The following FUT8 variants were observed in gnomAD, a reference collection of about 807,000 sequenced individuals.
FUT8 encodes alpha-(1,6)-fucosyltransferase.
In FUT8, 29 loss-of-function variants were observed where a neutral mutation model predicts 71.3. The observed-to-expected ratio is 0.41, with a 90% CI of 0.30 to 0.55. The LOEUF is 0.55. Ranked by LOEUF, FUT8 falls within the 20% of genes least tolerant of loss-of-function variation. FUT8 has a pLI of 0.34. For synonymous variants in FUT8, 254 were observed against 239.3 expected, an observed-to-expected ratio of 1.06 and a Z score of -0.57; for missense variants, 544 against 702.1, an observed-to-expected ratio of 0.77 and a Z score of 2.55.
chr14:65,694,696 T>C (rs1431107288), intron 7 of FUT8, among the ~76,000 whole-genome samples: 2 of 151,988 alleles, frequency 1.3e-5, no homozygotes, highest in Non-Finnish European at 2.9e-5. Flanking sequence ...ATATACACCA[T>C]GGAATACTAT....
Position 65,592,992 on chromosome 14 carries a change from T to C in FUT8, c.204-22986T>C, listed in dbSNP as rs550102807. ...GTTTTGGTAATCTGGTAATTTCTTT[T>C]GCATTTTCTTCACATCCTCTGAGAT... is the stretch of plus-strand genomic sequence containing the variant. On this transcript the variant is annotated intron_variant, in intron 3 of 10. Coordinates refer to ENST00000673929, the MANE Select transcript of FUT8 (RefSeq NM_001371533.1). Among the ~76,000 whole-genome samples the C allele has an allele frequency of 3.3e-5, 5 of 152,318 alleles. No homozygotes were observed. In the East Asian group the frequency reaches 7.7e-4, roughly 23 times the overall value.
chr14:65,410,639 T>G (rs2065112753), upstream of FUT8: 1 of 151,192 alleles, frequency 6.6e-6, no homozygotes, highest in Admixed American at 6.6e-5. Flanking sequence ...ATTCCTAGGA[T>G]TTTGGAAGTA....
chr14:65,658,675 C>G (rs1239391011), intron 6 of FUT8, among the ~76,000 whole-genome samples: 5 of 152,100 alleles, frequency 3.3e-5, no homozygotes, highest in African/African-American at 1.2e-4. Flanking sequence ...TAACTACTAT[C>G]TAATTCCATT....
chr14:65,707,089 A>G (rs1476204918), intron 7 of FUT8, among the ~76,000 whole-genome samples: 1 of 152,190 alleles, frequency 6.6e-6, no homozygotes, highest in Non-Finnish European at 1.5e-5. Context: ...TAAAAAATAT[A>G]GATTCCAAAA....
intron 2 of FUT8, among the ~76,000 whole-genome samples, chr14:65,495,370 C>T (rs2066543470): frequency 6.6e-6 from 1 of 152,124 alleles, no homozygotes; most frequent in South Asian, 2.1e-4. Flanking sequence ...CTGCTTCTTG[C>T]ACTGGGGTTC....
At chr14:65,687,093 C>T (rs142384039) in intron 7 of FUT8, among the ~76,000 whole-genome samples, 9,326 of 152,040 alleles carry the variant, frequency 0.061, 518 homozygotes, top group African/African-American at 0.14. Flanking sequence ...CCAGGACTAG[C>T]CCTCTCTTTA....
At chr14:65,617,253 TG>T (rs1207707156) in intron 5 of FUT8, 6 of 1,452,852 alleles carry the variant, frequency 4.1e-6, no homozygotes, top group Non-Finnish European at 5.4e-6. Context: ...AAAAATTGCT[TG>T]GTTGTTTTAG....
intron 7 of FUT8, among the ~76,000 whole-genome samples, chr14:65,694,246 G>A (rs1164483818): frequency 6.6e-6 from 1 of 152,092 alleles, no homozygotes; most frequent in Non-Finnish European, 1.5e-5. Flanking sequence ...TGCTAATATG[G>A]AAGCTTAGAT....
At chr14:65,560,914 G>A (rs989655721) in intron 2 of FUT8, among the ~76,000 whole-genome samples, 12 of 152,138 alleles carry the variant, frequency 7.9e-5, no homozygotes, top group African/African-American at 2.7e-4. Flanking sequence ...GTTGAGAACT[G>A]GTAGAAATGA....
chr14:65,625,458 A>G (rs1357006562), intron 5 of FUT8, among the ~76,000 whole-genome samples: 2 of 152,222 alleles, frequency 1.3e-5, no homozygotes, highest in South Asian at 4.1e-4. Context: ...TGCCTAGTCT[A>G]AAGACTTCAG....
rs1285123785 is a variant in FUT8 at position 65,652,091 on chromosome 14, GA to G, written c.598-17151del. Among the ~76,000 whole-genome samples, 1 of 152,182 alleles carries G rather than the reference GA, an allele frequency of 6.6e-6. No homozygotes were observed. Among genetic ancestry groups the G allele is most frequent in the Non-Finnish European group, 1.5e-5 (1 of 68,028 alleles). On this transcript the variant is annotated intron_variant, in intron 6 of 10. Coordinates refer to ENST00000673929, the MANE Select transcript of FUT8 (RefSeq NM_001371533.1). This position sits in a 1 kb window ranked among gnomAD's most constrained non-coding sequence, Gnocchi z 4.0. ...GGCTGGCAACCACCAGAAGCCGGGA[GA>G]GAGACATGGAACAACTTCTTCCTTA...
intron 1 of FUT8, among the ~76,000 whole-genome samples, chr14:65,441,363 A>G (rs977646966): frequency 6.6e-6 from 1 of 152,190 alleles, no homozygotes; most frequent in Non-Finnish European, 1.5e-5. Context: ...AAGTATACAT[A>G]TATGTTGATA....
chr14:65,376,486 C>G, the FUT8 span, among the ~76,000 whole-genome samples: 1 of 92,768 alleles, frequency 1.1e-5, no homozygotes, highest in South Asian at 3.7e-4. Flanking sequence ...CCTTGGTTCA[C>G]TGCAACCTCC....
rs77953240 is a variant in FUT8 at position 65,685,314 on chromosome 14, G to A, written c.835+15834G>A. ...AAGAATTTGCTTTCTCTCAGTGGCC[G>A]TATAAAACAGTGAGAATAATGCAGT... On this transcript the variant is annotated intron_variant, in intron 7 of 10. Transcript: ENST00000673929. Among the ~76,000 whole-genome samples the A allele has an allele frequency of 4.5e-3, 691 of 152,240 alleles. 6 individuals carry two copies. The highest frequency in any genetic ancestry group is 0.016 in the African/African-American group (656 of 41,542).
chr14:65,365,944 T>A, the FUT8 span, among the ~76,000 whole-genome samples: 2 of 152,036 alleles, frequency 1.3e-5, no homozygotes, highest in Non-Finnish European at 2.9e-5. Flanking sequence ...TTCAAGCAAT[T>A]CTCCTGCCTC....
At chr14:65,514,622 G>T (rs1390797599) in intron 2 of FUT8, among the ~76,000 whole-genome samples, 1 of 151,958 alleles carries the variant, frequency 6.6e-6, no homozygotes, top group Non-Finnish European at 1.5e-5. Flanking sequence ...ATGTATCAAT[G>T]TATCAATAGT....
At chr14:65,453,672 C>T (rs2065858684) in intron 1 of FUT8, among the ~76,000 whole-genome samples, 1 of 152,156 alleles carries the variant, frequency 6.6e-6, no homozygotes, top group Non-Finnish European at 1.5e-5. Flanking sequence ...CAGATGTCTC[C>T]AAGCTCAGTG....
At chr14:65,721,274 A>AT (rs1398153500) in intron 7 of FUT8, among the ~76,000 whole-genome samples, 1 of 151,916 alleles carries the variant, frequency 6.6e-6, no homozygotes, top group Non-Finnish European at 1.5e-5. Flanking sequence ...GAATTATCTA[A>AT]TTTTTTTCTT....
chr14:65,695,039 A>G (rs1032113904), intron 7 of FUT8, among the ~76,000 whole-genome samples: 2 of 152,296 alleles, frequency 1.3e-5, no homozygotes, highest in African/African-American at 4.8e-5. Flanking sequence ...AACTTAGAGT[A>G]TAATAAATAA....
Sources: allele counts gnomAD v4.1 joint callset (sites outside exome capture counted in the v4.1 genomes callset), GRCh38; gene constraint gnomAD v4.1.1; non-coding constraint Gnocchi (gnomAD v3.1); transcripts MANE v1.5; gene names NCBI Gene and HGNC (gene_info 2026-07-23, HGNC 2026-07-21).